PCDHA6: variants seen among roughly 807,000 people sequenced by gnomAD.
PCDHA6 encodes protocadherin alpha 6.
A neutral mutation model predicts 60.3 loss-of-function variants in PCDHA6; 55 were observed. The observed-to-expected ratio is 0.91, with a 90% CI of 0.73 to 1.14. The LOEUF is 1.14. PCDHA6 is among the 50% of genes most tolerant of loss of function. The pLI, the probability that PCDHA6 is intolerant of heterozygous loss-of-function variation, is 0.00. For missense variants in PCDHA6, 1,327 were observed against 1,256.5 expected (o/e 1.06, Z -0.85); for synonymous variants, 652 against 557.9 (o/e 1.17, Z -2.38).
intron 1 of PCDHA6, among the ~76,000 whole-genome samples, chr5:140,975,967 A>C (rs2096692306): frequency 6.6e-6 from 1 of 152,176 alleles, no homozygotes; most frequent in African/African-American, 2.4e-5. Context: ...TCACCAATAG[A>C]AAGTAAGCAT....
In PCDHA6 at chr5:140,890,236, T is replaced by C. The variant is rs79211810; in HGVS notation, c.2394+59751T>C. 1.2e-3 allele frequency among the ~76,000 whole-genome samples: 183 copies of C among 152,244 alleles called. 1 individual carries two copies. Among genetic ancestry groups the C allele is most frequent in the African/African-American group, 4.0e-3 (168 of 41,532 alleles). ...CCCAGAGACCTAGTTGTTAAGCATT[T>C]ACCAGTACACTACTGCACCTGATTG... On this transcript the variant is annotated intron_variant, in intron 1 of 3. Transcript: ENST00000529310.
chr5:140,871,832 C>G (rs2053333400), intron 1 of PCDHA6, among the ~76,000 whole-genome samples: 2 of 152,246 alleles, frequency 1.3e-5, no homozygotes, highest in Non-Finnish European at 2.9e-5. Context: ...CCCTTCATCT[C>G]TAAACTTCAA....
At chr5:140,831,516 C>G (rs572603415) in intron 1 of PCDHA6, among the ~76,000 whole-genome samples, 1 of 130,566 alleles carries the variant, frequency 7.7e-6, no homozygotes, top group African/African-American at 3.1e-5. Context: ...ACCATGCCCC[C>G]CACCTTTTTT....
At chr5:140,979,354 A>G (rs1205411040) in intron 2 of PCDHA6, among the ~76,000 whole-genome samples, 1 of 151,576 alleles carries the variant, frequency 6.6e-6, no homozygotes. Context: ...ATTAATACTC[A>G]TGCTTTGAGA....
At chr5:140,840,874 T>C (rs1776919998) in intron 1 of PCDHA6, among the ~76,000 whole-genome samples, 1 of 152,016 alleles carries the variant, frequency 6.6e-6, no homozygotes, top group Non-Finnish European at 1.5e-5. Context: ...GAGGACAGTT[T>C]ACATTTCTGA....
intron 1 of PCDHA6, chr5:140,848,452 T>C (rs1402263047): frequency 1.3e-6 from 2 of 1,520,140 alleles, no homozygotes; most frequent in Non-Finnish European, 1.8e-6. Flanking sequence ...TTCTTCTAAT[T>C]TGGAGGCAAT....
intron 1 of PCDHA6, chr5:140,861,443 C>T (rs782609099): frequency 4.1e-6 from 2 of 493,194 alleles, no homozygotes; most frequent in Non-Finnish European, 8.3e-6. Context: ...CCAAAAGCCG[C>T]AGAAACCTTC....
intron 1 of PCDHA6, chr5:140,967,329 G>A: frequency 6.2e-7 from 1 of 1,608,212 alleles, no homozygotes; most frequent in Non-Finnish European, 8.5e-7. Flanking sequence ...TACGAGCTCA[G>A]CCCCAGCGAG....
At chr5:140,937,507 C>G (rs1427417860) in intron 1 of PCDHA6, among the ~76,000 whole-genome samples, 1 of 152,106 alleles carries the variant, frequency 6.6e-6, no homozygotes, top group Non-Finnish European at 1.5e-5. Context: ...ATCCCAGCTA[C>G]TCAGGAGGCT....
At chr5:140,836,123 T>C in intron 1 of PCDHA6, 1 of 1,613,656 alleles carries the variant, frequency 6.2e-7, no homozygotes, top group Non-Finnish European at 8.5e-7. Flanking sequence ...TGAGAGAGCT[T>C]GTGCCGCGGT....
At chr5:140,906,995 C>T (rs1177237804) in intron 1 of PCDHA6, among the ~76,000 whole-genome samples, 1 of 152,164 alleles carries the variant, frequency 6.6e-6, no homozygotes, top group Non-Finnish European at 1.5e-5. Flanking sequence ...GCATTCCTCC[C>T]TCTGGAACTA....
intron 1 of PCDHA6, chr5:140,850,087 T>A (rs2150466351): frequency 6.3e-7 from 1 of 1,596,398 alleles, no homozygotes; most frequent in East Asian, 2.2e-5. Context: ...CTGGAGCTGC[T>A]ACAGTTCCAG....
At chr5:140,970,953 G>A (rs975435719) in intron 1 of PCDHA6, among the ~76,000 whole-genome samples, 16 of 152,110 alleles carry the variant, frequency 1.1e-4, no homozygotes, top group South Asian at 4.1e-4. Flanking sequence ...AGAAACCATG[G>A]GAGGCAGATT....
chr5:140,876,791 G>A (rs782617794), intron 1 of PCDHA6: 1 of 1,614,242 alleles, frequency 6.2e-7, no homozygotes, highest in Non-Finnish European at 8.5e-7. Context: ...GCCACGGCTA[G>A]AGTGTCCGTG....
At chr5:140,963,871 T>A (rs2095795562) in intron 1 of PCDHA6, among the ~76,000 whole-genome samples, 1 of 152,238 alleles carries the variant, frequency 6.6e-6, no homozygotes, top group Non-Finnish European at 1.5e-5. Context: ...GAGTTTTGCT[T>A]ACTATTGTTT....
intron 1 of PCDHA6, chr5:140,850,313 G>C (rs113332257): frequency 1.3e-6 from 2 of 1,597,364 alleles, no homozygotes; most frequent in African/African-American, 1.3e-5. Context: ...ACAACGCGTG[G>C]CTTTCATACG....
At chr5:140,922,839 C>T (rs2081023123) in intron 1 of PCDHA6, among the ~76,000 whole-genome samples, 1 of 152,140 alleles carries the variant, frequency 6.6e-6, no homozygotes, top group South Asian at 2.1e-4. Context: ...TAGATGTCCT[C>T]AAAGAGACCA....
chr5:140,919,954 T>G (rs1159524037), intron 1 of PCDHA6, among the ~76,000 whole-genome samples: 2 of 149,936 alleles, frequency 1.3e-5, no homozygotes, highest in East Asian at 4.0e-4. Context: ...AAAAGTTTGT[T>G]TTGTTTTTTA....
chr5:141,004,627 T>C lies in PCDHA6; in HGVS notation c.2543-5000T>C, dbSNP rs538896289. On this transcript the variant is annotated intron_variant, in intron 3 of 3. Transcript: ENST00000529310. ...GCCTCATGCAGAGTCCTGGTTATGG[T>C]TGAAGAAAAATTTCCATTTTGGGCT... 3.9e-5 allele frequency among the ~76,000 whole-genome samples: 6 copies of C among 152,330 alleles called. No individual in the cohort carries two copies. The East Asian group carries it at 1.2e-3, about 29-fold the overall frequency.
Sources: allele counts gnomAD v4.1 joint callset (sites outside exome capture counted in the v4.1 genomes callset), GRCh38; gene constraint gnomAD v4.1.1; transcripts MANE v1.5; gene names NCBI Gene and HGNC (gene_info 2026-07-23, HGNC 2026-07-21).